Variants in FGF1 observed in about 807,000 individuals in gnomAD.
FGF1 encodes beta-endothelial cell growth factor.
FGF1 carries 9 observed loss-of-function variants against 13.4 expected under a neutral mutation model. The ratio of observed to expected loss-of-function variants is 0.67; its 90% CI spans 0.40 to 1.17. The LOEUF (loss-of-function observed/expected upper bound fraction) is 1.17. Ranked by LOEUF, FGF1 falls within the 50% of genes most tolerant of loss-of-function variation. FGF1 has a pLI of 0.01. For synonymous variants in FGF1, 93 were observed against 79.0 expected, an observed-to-expected ratio of 1.18 and a Z score of -0.94; for missense variants, 156 against 192.7, an observed-to-expected ratio of 0.81 and a Z score of 1.13.
At chr5:142,623,240 C>T (rs1761936969) in intron 1 of FGF1, among the ~76,000 whole-genome samples, 1 of 152,160 alleles carries the variant, frequency 6.6e-6, no homozygotes. Flanking sequence ...AATGGGGCTG[C>T]ATAACAGTAG....
intron 2 of FGF1, among the ~76,000 whole-genome samples, chr5:142,695,574 T>G (rs1752973456): frequency 1.5e-5 from 2 of 133,808 alleles, no homozygotes; most frequent in African/African-American, 3.4e-5. Flanking sequence ...AGAGCAAGAC[T>G]CTGTATCAAA....
At chr5:142,681,206 T>C (rs1773634051) in intron 1 of FGF1, among the ~76,000 whole-genome samples, 1 of 152,226 alleles carries the variant, frequency 6.6e-6, no homozygotes. Flanking sequence ...ACATTTTAAA[T>C]ATAATATTTA....
chr5:142,675,165 C>A (rs964765972), intron 1 of FGF1, among the ~76,000 whole-genome samples: 4 of 152,192 alleles, frequency 2.6e-5, no homozygotes, highest in African/African-American at 7.2e-5. Flanking sequence ...GTGTATTAAA[C>A]CCTCAGACCT....
At chr5:142,613,621 C>T (rs1052538190) in intron 2 of FGF1, among the ~76,000 whole-genome samples, 1 of 152,242 alleles carries the variant, frequency 6.6e-6, no homozygotes, top group African/African-American at 2.4e-5. Flanking sequence ...ATGAAGCGTG[C>T]AGGCCCCTGA....
intron 2 of FGF1, among the ~76,000 whole-genome samples, chr5:142,602,767 G>T (rs1756858278): frequency 6.6e-6 from 1 of 151,956 alleles, no homozygotes; most frequent in South Asian, 2.1e-4. Flanking sequence ...CATCAGGATG[G>T]AAAGAGTAAA....
At chr5:142,669,875 G>A (rs1771120673) in intron 1 of FGF1, among the ~76,000 whole-genome samples, 1 of 152,160 alleles carries the variant, frequency 6.6e-6, no homozygotes, top group African/African-American at 2.4e-5. Context: ...GAGATCCCCA[G>A]TGCAGCCGGT....
rs191654027 is a variant in FGF1 at position 142,664,924 on chromosome 5, T to C, written c.-35+21033A>G. ...TAAACTCATAGGGTTATTTTGAGGA[T>C]AAAATGAGGTAAAGTTACGTAAGGT... is the stretch of plus-strand genomic sequence containing the variant. On this transcript the variant is annotated intron_variant, in intron 1 of 3. Transcript: ENST00000337706. 1.1e-3 allele frequency among the ~76,000 whole-genome samples: 166 copies of C among 152,324 alleles called. 1 individual carries two copies. The highest frequency in any genetic ancestry group is 3.9e-3 in the African/African-American group (162 of 41,560).
At chr5:142,610,951 G>A (rs1758908842) in intron 2 of FGF1, among the ~76,000 whole-genome samples, 1 of 152,196 alleles carries the variant, frequency 6.6e-6, no homozygotes, top group Admixed American at 6.5e-5. Flanking sequence ...AGCCGTGAAA[G>A]GAGTTATTTC....
intron 1 of FGF1, among the ~76,000 whole-genome samples, chr5:142,641,110 T>C (rs1428200180): frequency 6.6e-6 from 1 of 152,054 alleles, no homozygotes; most frequent in Non-Finnish European, 1.5e-5. Context: ...GTTCTTCTAA[T>C]GGAGAATGTT....
chr5:142,672,950 A>G (rs1405845806), intron 1 of FGF1, among the ~76,000 whole-genome samples: 1 of 152,188 alleles, frequency 6.6e-6, no homozygotes, highest in East Asian at 1.9e-4. Flanking sequence ...CAGTTCCATC[A>G]TCAGTGAAAA....
chr5:142,648,132 C>T, intron 1 of FGF1, among the ~76,000 whole-genome samples: 1 of 152,220 alleles, frequency 6.6e-6, no homozygotes, highest in African/African-American at 2.4e-5. Context: ...GCATTTTGGA[C>T]TTAACGATTT....
At chr5:142,692,733 A>T (rs184172966) in intron 2 of FGF1, among the ~76,000 whole-genome samples, 100 of 152,082 alleles carry the variant, frequency 6.6e-4, no homozygotes, top group African/African-American at 2.3e-3. Context: ...ACAGTTTTAC[A>T]TTTAATTTCA....
At chr5:142,692,685 G>GCACA (rs34754711) in intron 2 of FGF1, among the ~76,000 whole-genome samples, 7 of 145,240 alleles carry the variant, frequency 4.8e-5, no homozygotes, top group Admixed American at 1.4e-4. Context: ...ACGCACACAC[G>GCACA]CACACACACA....
chr5:142,619,565 T>A (rs879694135), intron 1 of FGF1, among the ~76,000 whole-genome samples: 1 of 152,234 alleles, frequency 6.6e-6, no homozygotes, highest in Non-Finnish European at 1.5e-5. Flanking sequence ...AGAATGTATT[T>A]AGTCCAAGCG....
chr5:142,658,568 C>T (rs1768593373), intron 1 of FGF1, among the ~76,000 whole-genome samples: 1 of 152,134 alleles, frequency 6.6e-6, no homozygotes, highest in Non-Finnish European at 1.5e-5. Flanking sequence ...GTGGCTCATG[C>T]CCTTATGGGA....
chr5:142,667,585 CAAAAAAAAAAAA>C (rs747487970), intron 1 of FGF1, among the ~76,000 whole-genome samples: 1 of 62,086 alleles, frequency 1.6e-5, no homozygotes, highest in African/African-American at 5.0e-5. Flanking sequence ...GACTCCGTCT[CAAAAAAAAAAAA>C]AAAAAAAGAA....
At chr5:142,634,367 C>T (rs1299031426) in intron 1 of FGF1, among the ~76,000 whole-genome samples, 1 of 152,216 alleles carries the variant, frequency 6.6e-6, no homozygotes, top group Admixed American at 6.5e-5. Context: ...TCCAGCCAGT[C>T]TCCCAGATTG....
chr5:142,682,145 G>A (rs1441081783), intron 1 of FGF1, among the ~76,000 whole-genome samples: 1 of 151,808 alleles, frequency 6.6e-6, no homozygotes, highest in Admixed American at 6.6e-5. Context: ...GAGCGCAATG[G>A]CGCGATCTCG....
In FGF1 at chr5:142,613,563, A is replaced by G. The variant is rs17217261; in HGVS notation, c.169+396T>C. Among the ~76,000 whole-genome samples the G allele has an allele frequency of 2.9e-3, 437 of 152,374 alleles. 2 individuals carry two copies. Among genetic ancestry groups the G allele is most frequent in the African/African-American group, 0.01 (429 of 41,590 alleles). ...AGTCAGTTGACTTGAAACGGAGCCC[A>G]CATCTCTGTGCAGGATTTACCACCA... is the stretch of plus-strand genomic sequence containing the variant. On this transcript the variant is annotated intron_variant, in intron 2 of 3. Coordinates refer to ENST00000337706, the MANE Select transcript of FGF1 (RefSeq NM_000800.5).
Sources: allele counts gnomAD v4.1 joint callset (sites outside exome capture counted in the v4.1 genomes callset), GRCh38; gene constraint gnomAD v4.1.1; transcripts MANE v1.5; gene names NCBI Gene and HGNC (gene_info 2026-07-23, HGNC 2026-07-21).